The following TNS3 variants were observed in gnomAD, a reference collection of about 807,000 sequenced individuals.
TNS3 encodes tensin-3.
Under a neutral mutation model 140.9 loss-of-function variants are expected in TNS3, and 45 were observed. That is an observed-to-expected ratio of 0.32 (90% confidence interval 0.25 to 0.41). The LOEUF (loss-of-function observed/expected upper bound fraction) is 0.41, where lower values mean the gene tolerates loss of function less well. Ranked by LOEUF, TNS3 falls within the 10% of genes least tolerant of loss-of-function variation. TNS3 has a pLI of 1.00. For missense variants in TNS3, 1,716 were observed against 1,906.7 expected, an observed-to-expected ratio of 0.90 and a Z score of 1.86; for synonymous variants, 815 against 788.4, an observed-to-expected ratio of 1.03 and a Z score of -0.56.
intron 20 of TNS3, among the ~76,000 whole-genome samples, chr7:47,314,833 C>T (rs1787303098): frequency 6.6e-6 from 1 of 152,124 alleles, no homozygotes; most frequent in Non-Finnish European, 1.5e-5. Flanking sequence ...GCATTAAGCC[C>T]GCTGCTCTCT....
intron 20 of TNS3, among the ~76,000 whole-genome samples, chr7:47,324,733 C>A (rs1469794503): frequency 1.3e-5 from 2 of 152,124 alleles, no homozygotes; most frequent in Non-Finnish European, 2.9e-5. Context: ...GCTTGGGCAA[C>A]AAAGTGAGAC....
chr7:47,574,653 A>C (rs56082906), intron 1 of TNS3, among the ~76,000 whole-genome samples: 45,293 of 145,410 alleles, frequency 0.31, 7,524 homozygotes, highest in East Asian at 0.54. Flanking sequence ...ACACACCCCC[A>C]CACACACGGT....
At chr7:47,571,842 C>T (rs1800565316) in intron 1 of TNS3, among the ~76,000 whole-genome samples, 1 of 152,214 alleles carries the variant, frequency 6.6e-6, no homozygotes, top group South Asian at 2.1e-4. Flanking sequence ...GTCAGCATGC[C>T]GCTGGCCACA....
chr7:47,280,646 G>A (rs895830870), intron 28 of TNS3, among the ~76,000 whole-genome samples: 7 of 152,334 alleles, frequency 4.6e-5, no homozygotes, highest in Admixed American at 4.6e-4. Context: ...GGGTGCAGTG[G>A]CTCACGCCTG....
intron 2 of TNS3, among the ~76,000 whole-genome samples, chr7:47,521,383 A>G (rs926920285): frequency 6.6e-6 from 1 of 152,194 alleles, no homozygotes; most frequent in Non-Finnish European, 1.5e-5. Flanking sequence ...CTGCTCAGTA[A>G]AAGTGTGCTG....
chr7:47,293,393 CTA>C (rs1309769869), intron 25 of TNS3, among the ~76,000 whole-genome samples: 2 of 152,144 alleles, frequency 1.3e-5, no homozygotes, highest in Non-Finnish European at 2.9e-5. Flanking sequence ...GTTGGGAGCT[CTA>C]TGTTGTTCCT....
intron 9 of TNS3, among the ~76,000 whole-genome samples, chr7:47,425,106 G>T (rs908985121): frequency 2.1e-4 from 32 of 152,316 alleles, no homozygotes; most frequent in African/African-American, 7.7e-4. Context: ...ATCACCTGAG[G>T]TCAGGAGTTC....
chr7:47,529,149 T>C lies in TNS3; in HGVS notation c.-264-2A>G. The C allele has an allele frequency of 7.9e-7, 1 of 1,261,844 alleles. No individual in the cohort carries two copies. The highest frequency in any genetic ancestry group is 1.5e-5 in the African/African-American group (1 of 64,682). The allele number at this position is 1,261,844 out of a possible 1,614,324, so 78.2% of individuals were successfully genotyped here. ...CAGACTCGAGGTTAATTCTTCCGGC[T>C]GAAAAAGTAAAGGAAGAAATTGTCA... On this transcript the variant is annotated splice_acceptor_variant, in intron 1 of 30. Coordinates refer to ENST00000311160, the MANE Select transcript of TNS3 (RefSeq NM_022748.12). LOFTEE classifies it low-confidence loss of function (5UTR_SPLICE).
intron 17 of TNS3, among the ~76,000 whole-genome samples, chr7:47,363,327 G>T (rs1324409871): frequency 6.6e-6 from 1 of 151,844 alleles, no homozygotes; most frequent in Non-Finnish European, 1.5e-5. Flanking sequence ...CCATCACTGT[G>T]ATCATCACCA....
chr7:47,549,978 G>C (rs911915629), intron 1 of TNS3, among the ~76,000 whole-genome samples: 10 of 127,750 alleles, frequency 7.8e-5, no homozygotes, highest in Non-Finnish European at 1.6e-4. Flanking sequence ...CTCTTGACAG[G>C]GGTGCCAGAC....
chr7:47,428,492 G>A (rs1422972877), intron 8 of TNS3, 116 bp from the exon 9 acceptor site: 1 of 701,506 alleles, frequency 1.4e-6, no homozygotes, highest in Non-Finnish European at 2.1e-6. Context: ...TTGGTGGTAA[G>A]GCCAGCATTA....
At chr7:47,516,571 G>T (rs141526539) in intron 2 of TNS3, among the ~76,000 whole-genome samples, 1 of 152,020 alleles carries the variant, frequency 6.6e-6, no homozygotes, top group Non-Finnish European at 1.5e-5. Flanking sequence ...CCTCTACCCC[G>T]TTCTACACCC....
In TNS3 at chr7:47,303,335, G is replaced by C. The variant is rs540107827; in HGVS notation, c.3072C>G (p.Thr1024=). ...GCGGAAGGCCACTTCCCACTGGGGC[G>C]GTGCCGAAGCCCAGGAAGGCCTGGC... ...PSSQAFLGFG[T]APVGSGLPPE... is the part of the protein sequence containing the mutation. The change falls in exon 22 of 31, where the codon ACC becomes ACG. Residue 1024 remains threonine, a synonymous_variant. Coordinates refer to ENST00000311160, the MANE Select transcript of TNS3 (RefSeq NM_022748.12). 2 of 1,613,448 alleles carry C rather than the reference G, an allele frequency of 1.2e-6. No individual in the cohort carries two copies. Among genetic ancestry groups the C allele is most frequent in the Non-Finnish European group, 1.7e-6 (2 of 1,179,824 alleles).
rs898351339 is a variant in TNS3, at chr7:47,434,480, T to G, written c.324+802A>C. Among the ~76,000 whole-genome samples, 141 of 152,266 alleles carry G rather than the reference T, an allele frequency of 9.3e-4. 2 individuals are homozygous for G. Among genetic ancestry groups the G allele is most frequent in the Non-Finnish European group, 1.0e-4 (7 of 68,028 alleles). On this transcript the variant is annotated intron_variant, in intron 8 of 30. Coordinates refer to ENST00000311160, the MANE Select transcript of TNS3 (RefSeq NM_022748.12). ...AAGGATTCCTCCCTGACTCAAGGTG[T>G]GACTGGAATAAGAGCTTTTCTCTAA... is the stretch of plus-strand genomic sequence containing the variant.
At chr7:47,460,161 C>T (rs561928921) in intron 4 of TNS3, among the ~76,000 whole-genome samples, 18 of 146,732 alleles carry the variant, frequency 1.2e-4, no homozygotes, top group African/African-American at 4.4e-4. Context: ...TGCAGTGAGC[C>T]GAGATCGCAC....
At chr7:47,436,717 C>T (rs1028868866) in intron 7 of TNS3, among the ~76,000 whole-genome samples, 1 of 152,012 alleles carries the variant, frequency 6.6e-6, no homozygotes, top group Non-Finnish European at 1.5e-5. Context: ...TGTTTTGTCT[C>T]TTGTTTGTGG....
Position 47,368,623 on chromosome 7 carries a change from C to A in TNS3, c.2023G>T (p.Val675Leu). ...CTCAGCTCTGGGCCGGCTCCATTCA[C>A]AACCTGGTCTCCTGGAAACCTGGGT... ...FKPRFPGDQV[V>L]NGAGPELSTG... Residue 675 changes from valine to leucine, a missense_variant, in exon 17 of 31, where the codon GTG becomes TTG. Val to Leu is a conservative substitution (Grantham distance 32). Coordinates refer to ENST00000311160, the MANE Select transcript of TNS3 (RefSeq NM_022748.12). 6.3e-7 allele frequency: 1 copy of A among 1,596,428 alleles called. No individual in the cohort carries two copies. Among genetic ancestry groups the A allele is most frequent in the South Asian group, 1.1e-5 (1 of 87,172 alleles).
At chr7:47,283,336 G>A (rs1274190691) in intron 28 of TNS3, among the ~76,000 whole-genome samples, 2 of 152,208 alleles carry the variant, frequency 1.3e-5, no homozygotes, top group Non-Finnish European at 2.9e-5. Flanking sequence ...TAAAACAATA[G>A]GTTCCAAGAT....
intron 1 of TNS3, among the ~76,000 whole-genome samples, chr7:47,565,017 A>G (rs1800398837): frequency 6.6e-6 from 1 of 152,118 alleles, no homozygotes. Context: ...AAGAATCAAA[A>G]TCCTTAACCA....
Sources: allele counts gnomAD v4.1 joint callset (sites outside exome capture counted in the v4.1 genomes callset), GRCh38; gene constraint gnomAD v4.1.1; transcripts MANE v1.5; gene names NCBI Gene and HGNC (gene_info 2026-07-23, HGNC 2026-07-21).